Variants in CDK19 observed in about 807,000 individuals in gnomAD.
CDK19 encodes cyclin-dependent kinase 19.
In CDK19, 20 loss-of-function variants were observed where a neutral mutation model predicts 68.3. The observed-to-expected ratio is 0.29, with a 90% CI of 0.21 to 0.43. The LOEUF (loss-of-function observed/expected upper bound fraction) is 0.43, where lower values mean the gene tolerates loss of function less well. Ranked by LOEUF, CDK19 falls within the 20% of genes least tolerant of loss-of-function variation. The pLI, the probability that CDK19 is intolerant of heterozygous loss-of-function variation, is 1.00. For synonymous variants in CDK19, 221 were observed against 222.8 expected (o/e 0.99, Z 0.07); for missense variants, 339 against 623.5 (o/e 0.54, Z 4.86).
intron 1 of CDK19, among the ~76,000 whole-genome samples, chr6:110,807,476 T>C (rs925163028): frequency 3.9e-5 from 6 of 152,194 alleles, no homozygotes; most frequent in African/African-American, 1.2e-4. Flanking sequence ...TTTTGTTTTA[T>C]TGAAACAGAG....
intron 1 of CDK19, among the ~76,000 whole-genome samples, chr6:110,755,041 CTTT>C (rs34041330): frequency 1.5e-5 from 2 of 131,740 alleles, no homozygotes; most frequent in Non-Finnish European, 1.6e-5. Flanking sequence ...CTTGTGAATC[CTTT>C]TTTTTTTTTT....
In CDK19 at chr6:110,788,812, G is replaced by C. The variant is rs565062028; in HGVS notation, c.128+26197C>G. 9.9e-5 allele frequency among the ~76,000 whole-genome samples: 15 copies of C among 152,208 alleles called. No individual in the cohort carries two copies. The South Asian group carries it at 3.1e-3, about 32-fold the overall frequency. On this transcript the variant is annotated intron_variant, in intron 1 of 12. Coordinates refer to ENST00000368911, the MANE Select transcript of CDK19 (RefSeq NM_015076.5). ...GAAATGGTGAGCAACTGCAGCTGCA[G>C]ACTTCAATCTACAGTACATATCAAG...
intron 7 of CDK19, 25 bp downstream of exon 7, chr6:110,626,977 G>T (rs776315300): frequency 1.3e-6 from 2 of 1,581,246 alleles, no homozygotes; most frequent in South Asian, 1.2e-5. Flanking sequence ...CTCAAAATAT[G>T]ACTTTAAAAA....
intron 1 of CDK19, among the ~76,000 whole-genome samples, chr6:110,766,795 T>A (rs958349812): frequency 2.0e-4 from 31 of 152,002 alleles, no homozygotes; most frequent in African/African-American, 6.8e-4. Context: ...AGCCCAGGAG[T>A]TCCAGACCAG....
At chr6:110,764,603 C>A (rs1254043727) in intron 1 of CDK19, among the ~76,000 whole-genome samples, 1 of 152,112 alleles carries the variant, frequency 6.6e-6, no homozygotes, top group Non-Finnish European at 1.5e-5. Context: ...ACACCCTGCA[C>A]AAAAATTAAC....
intron 2 of CDK19, among the ~76,000 whole-genome samples, chr6:110,719,150 T>C (rs1775632422): frequency 1.3e-5 from 2 of 150,928 alleles, no homozygotes; most frequent in South Asian, 2.1e-4. Flanking sequence ...GAAAAGAAGG[T>C]GGAGGGAAAG....
intron 5 of CDK19, among the ~76,000 whole-genome samples, chr6:110,637,868 G>A (rs952908257): frequency 3.3e-5 from 5 of 151,838 alleles, no homozygotes; most frequent in Non-Finnish European, 7.4e-5. Context: ...TGTAGTCCCA[G>A]CTACTTGGGA....
chr6:110,687,674 A>G (rs1685165349), intron 2 of CDK19, among the ~76,000 whole-genome samples: 1 of 152,238 alleles, frequency 6.6e-6, no homozygotes, highest in Admixed American at 6.5e-5. Context: ...TTAATCAATA[A>G]ATCCTAAAAA....
At chr6:110,776,838 T>C (rs1195057003) in intron 1 of CDK19, among the ~76,000 whole-genome samples, 3 of 152,212 alleles carry the variant, frequency 2.0e-5, no homozygotes, top group Admixed American at 1.3e-4. Flanking sequence ...AAGCCTTACA[T>C]AGAATGTTTG....
chr6:110,717,092 C>G (rs528004564), intron 2 of CDK19, among the ~76,000 whole-genome samples: 50 of 152,268 alleles, frequency 3.3e-4, no homozygotes, highest in African/African-American at 1.0e-3. Context: ...CATGCCACTG[C>G]ACTTCAGCCT....
intron 1 of CDK19, among the ~76,000 whole-genome samples, chr6:110,800,747 C>G (rs1583133622): frequency 1.3e-5 from 2 of 152,160 alleles, no homozygotes; most frequent in Admixed American, 6.6e-5. Flanking sequence ...ACAAATCTAA[C>G]ATTCCCTTCA....
intron 2 of CDK19, among the ~76,000 whole-genome samples, chr6:110,721,200 A>G (rs1040652972): frequency 1.3e-5 from 2 of 152,210 alleles, no homozygotes; most frequent in African/African-American, 4.8e-5. Flanking sequence ...AGATTGCACC[A>G]CTGCACTCCA....
At chr6:110,656,104 A>G (rs1781293935) in intron 4 of CDK19, among the ~76,000 whole-genome samples, 1 of 152,308 alleles carries the variant, frequency 6.6e-6, no homozygotes, top group Non-Finnish European at 1.5e-5. Context: ...CAAGGTACTT[A>G]GTACCTTATG....
At chr6:110,701,572 A>G (rs1043572189) in intron 2 of CDK19, among the ~76,000 whole-genome samples, 10 of 151,930 alleles carry the variant, frequency 6.6e-5, no homozygotes, top group Admixed American at 5.9e-4. Flanking sequence ...AAAGAAAAAT[A>G]GAAAACCCTT....
At chr6:110,711,281 T>C (rs1774920445) in intron 2 of CDK19, among the ~76,000 whole-genome samples, 1 of 152,206 alleles carries the variant, frequency 6.6e-6, no homozygotes, top group Non-Finnish European at 1.5e-5. Flanking sequence ...AACAAAGAAA[T>C]AAATTGTGCT....
At chr6:110,779,362 C>A (rs1780634609) in intron 1 of CDK19, among the ~76,000 whole-genome samples, 1 of 152,150 alleles carries the variant, frequency 6.6e-6, no homozygotes, top group Non-Finnish European at 1.5e-5. Context: ...TATACACAGG[C>A]ATAAACAACA....
rs992528871 is a variant in CDK19 at position 110,749,819 on chromosome 6, C to G, written c.129-3618G>C. ...ACAGAGTCTTGCTCTGTTGCTCAGG[C>G]TGGAGTGCAGTGGCATGATCTCAGT... On this transcript the variant is annotated intron_variant, in intron 1 of 12. Coordinates refer to ENST00000368911, the MANE Select transcript of CDK19 (RefSeq NM_015076.5). Among the ~76,000 whole-genome samples, 13 of 110,450 alleles carry G rather than the reference C, an allele frequency of 1.2e-4. 2 individuals carry two copies. The highest frequency in any genetic ancestry group is 2.4e-4 in the Non-Finnish European group (12 of 49,554). 72.5% of individuals were successfully genotyped at this position (110,450 alleles called of 152,430 possible). A position where few individuals can be genotyped will look rare whatever the true frequency, so the allele number is the denominator to read the frequency against.
chr6:110,780,251 G>A (rs1180383374), intron 1 of CDK19, among the ~76,000 whole-genome samples: 9 of 150,884 alleles, frequency 6.0e-5, no homozygotes, highest in East Asian at 1.9e-4. Flanking sequence ...TTAGCCGGGC[G>A]TGGTGGCATG....
At chr6:110,623,524 G>A in intron 8 of CDK19, 162 bp from the exon 9 acceptor site, 1 of 543,334 alleles carries the variant, frequency 1.8e-6, no homozygotes, top group Non-Finnish European at 2.3e-6. Context: ...AATGTGTGAA[G>A]AAATAGGAAC....
Sources: gnomAD v4.1 joint callset for allele counts (sites outside exome capture counted in the v4.1 genomes callset) on GRCh38, gnomAD v4.1.1 for gene constraint, MANE v1.5 for transcripts, NCBI Gene and HGNC (gene_info 2026-07-23, HGNC 2026-07-21) for gene names.